The following DLGAP2 variants were observed in gnomAD, a reference collection of about 807,000 sequenced individuals.
DLGAP2 encodes the protein disks large-associated protein 2.
DLGAP2 carries 26 observed loss-of-function variants against 100.3 expected under a neutral mutation model. The observed-to-expected ratio is 0.26, with a 90% confidence interval of 0.19 to 0.36. The LOEUF (loss-of-function observed/expected upper bound fraction) is 0.36, where lower values mean the gene tolerates loss of function less well. Among genes scored for constraint, DLGAP2 ranks in the 10% least tolerant of loss-of-function variants. DLGAP2 has a pLI of 1.00. For synonymous variants in DLGAP2, 886 were observed against 630.1 expected (o/e 1.41, Z -6.08); for missense variants, 1,858 against 1,453.2 (o/e 1.28, Z -4.53).
rs71514196 is a variant in DLGAP2 at position 746,315 on chromosome 8, A to G, written c.18+8490A>G. On this transcript the variant is annotated intron_variant, in intron 1 of 14. Coordinates refer to ENST00000637795, the MANE Select transcript of DLGAP2 (RefSeq NM_001346810.2). ...GGGCACTGCTGGGCGAGTTACTCAT[A>G]TTAACTCATAGAATTCTCATGCCAG... 8.1e-3 allele frequency among the ~76,000 whole-genome samples: 1,233 copies of G among 152,322 alleles called. 4 individuals are homozygous for G. The highest frequency in any genetic ancestry group is 0.017 in the South Asian group (80 of 4,832).
intron 1 of DLGAP2, among the ~76,000 whole-genome samples, chr8:812,491 C>T (rs951640922): frequency 3.3e-5 from 5 of 152,154 alleles, no homozygotes. Flanking sequence ...GAAAGGGTGG[C>T]TGCGTTGAGC....
At position 793,677 on chromosome 8, in the gene DLGAP2, A is replaced by T. The variant is rs191725421; in HGVS notation, c.18+55852A>T. Among the ~76,000 whole-genome samples the T allele has an allele frequency of 3.2e-3, 485 of 152,288 alleles. 3 individuals carry two copies. The highest frequency in any genetic ancestry group is 5.7e-3 in the Non-Finnish European group (390 of 68,024). ...TTTGTCTAATCTTTGCATTTTGTGCAATTTCCTTATAGATTTCCCTGACGG... is the reference window on the plus strand; with the variant it reads ...TTTGTCTAATCTTTGCATTTTGTGCTATTTCCTTATAGATTTCCCTGACGG... On this transcript the variant is annotated intron_variant, in intron 1 of 14. Coordinates refer to ENST00000637795, the MANE Select transcript of DLGAP2 (RefSeq NM_001346810.2).
At chr8:1,234,963 TGTGTCTAGTTCTCTCACGCATAGCATC>T (rs900277222) in intron 2 of DLGAP2, among the ~76,000 whole-genome samples, 8 of 152,054 alleles carry the variant, frequency 5.3e-5, no homozygotes, top group Admixed American at 2.0e-4. Context: ...CACATGCCAC[TGTGTCTAGTTCTCTCACGCATAGCATC>T]GTGTCTAGTT....
Position 1,228,633 on chromosome 8 carries a change from C to T in DLGAP2, c.74-30218C>T, listed in dbSNP as rs143195737. Among the ~76,000 whole-genome samples, 711 of 152,278 alleles carry T rather than the reference C, an allele frequency of 4.7e-3. 5 individuals carry two copies. Among genetic ancestry groups the T allele is most frequent in the African/African-American group, 0.017 (686 of 41,552 alleles). On this transcript the variant is annotated intron_variant, in intron 2 of 14. Coordinates refer to ENST00000637795, the MANE Select transcript of DLGAP2 (RefSeq NM_001346810.2). ...TTCCAGGATTTCAAGTTTGTTTTGA[C>T]ATCTGCAAATCAATTAATGCAATGC...
chr8:1,329,260 A>G (rs1437017580), intron 3 of DLGAP2, among the ~76,000 whole-genome samples: 1 of 152,210 alleles, frequency 6.6e-6, no homozygotes, highest in Non-Finnish European at 1.5e-5. Context: ...AAATTGTTTC[A>G]TGGAATGAAG....
chr8:986,592 G>A (rs1462422239), intron 2 of DLGAP2, among the ~76,000 whole-genome samples: 2 of 151,726 alleles, frequency 1.3e-5, no homozygotes, highest in African/African-American at 4.8e-5. Flanking sequence ...GTGGAAGGAA[G>A]GACTGGAGGA....
At chr8:953,944 G>A (rs906681109) in intron 2 of DLGAP2, among the ~76,000 whole-genome samples, 1 of 152,224 alleles carries the variant, frequency 6.6e-6, no homozygotes, top group African/African-American at 2.4e-5. Context: ...TAAACTGCAA[G>A]TGTTTGCTGT....
At chr8:1,168,540 CTGT>C (rs1563227203) in intron 2 of DLGAP2, among the ~76,000 whole-genome samples, 1 of 147,030 alleles carries the variant, frequency 6.8e-6, no homozygotes, top group African/African-American at 2.5e-5. Context: ...TCTCCAGCAC[CTGT>C]TGTTTCCTGA....
chr8:1,548,474 A>G lies in DLGAP2; in HGVS notation c.173-152A>G, dbSNP rs563483621. 4.7e-3 allele frequency among the ~76,000 whole-genome samples: 700 copies of G among 149,918 alleles called. 7 individuals carry two copies. Among genetic ancestry groups the G allele is most frequent in the African/African-American group, 0.016 (666 of 40,896 alleles). ...ACTGTCTCAGAAAAAAAAAAAAAAAAAAAAAAAAAACCCACAAATCTGCCC... is the reference window on the plus strand; with the variant it reads ...ACTGTCTCAGAAAAAAAAAAAAAAAGAAAAAAAAAACCCACAAATCTGCCC... On this transcript the variant is annotated intron_variant, in intron 4 of 14. Transcript: ENST00000637795.
intron 6 of DLGAP2, among the ~76,000 whole-genome samples, chr8:1,586,425 C>G (rs1033849355): frequency 1.8e-4 from 28 of 152,206 alleles, no homozygotes; most frequent in Non-Finnish European, 8.8e-5. Flanking sequence ...CTGCAGACCC[C>G]TCCTGTCTCA....
At chr8:1,185,931 C>T (rs919034165) in intron 2 of DLGAP2, among the ~76,000 whole-genome samples, 3 of 152,166 alleles carry the variant, frequency 2.0e-5, no homozygotes, top group African/African-American at 7.2e-5. Flanking sequence ...GGACTTCTCG[C>T]CTCGGAGTTC....
intron 2 of DLGAP2, among the ~76,000 whole-genome samples, chr8:1,235,312 G>A (rs1449422967): frequency 6.6e-6 from 1 of 151,176 alleles, no homozygotes; most frequent in Non-Finnish European, 1.5e-5. Context: ...ATGGCATCGT[G>A]TCTAGTTCTC....
chr8:1,456,398 T>A (rs1798313355), intron 3 of DLGAP2, among the ~76,000 whole-genome samples: 1 of 152,170 alleles, frequency 6.6e-6, no homozygotes, highest in South Asian at 2.1e-4. Flanking sequence ...TATCTAAACA[T>A]CAAAGCATTT....
intron 3 of DLGAP2, among the ~76,000 whole-genome samples, chr8:1,385,841 C>G (rs1313340440): frequency 6.6e-6 from 1 of 152,154 alleles, no homozygotes; most frequent in East Asian, 1.9e-4. Context: ...CGGCCTATGC[C>G]TGTCCCCTGA....
intron 1 of DLGAP2, among the ~76,000 whole-genome samples, chr8:805,120 G>A: frequency 6.6e-6 from 1 of 152,118 alleles, no homozygotes. Flanking sequence ...ATTCGTAATG[G>A]GAATGATTTG....
chr8:1,223,205 A>T (rs1317387838), intron 2 of DLGAP2, among the ~76,000 whole-genome samples: 1 of 152,104 alleles, frequency 6.6e-6, no homozygotes, highest in Non-Finnish European at 1.5e-5. Flanking sequence ...GTGCCCAGCA[A>T]CCCTGTCCAG....
intron 1 of DLGAP2, among the ~76,000 whole-genome samples, chr8:752,365 G>A (rs1351876789): frequency 3.3e-5 from 5 of 152,322 alleles, no homozygotes; most frequent in Admixed American, 2.0e-4. Flanking sequence ...TAGTGTGCCC[G>A]GGCCGGTCTC....
At chr8:1,070,940 T>C (rs978398325) in intron 2 of DLGAP2, among the ~76,000 whole-genome samples, 1 of 152,202 alleles carries the variant, frequency 6.6e-6, no homozygotes, top group South Asian at 2.1e-4. Flanking sequence ...GGGAAGCCCC[T>C]GGAAGACTCA....
intron 2 of DLGAP2, among the ~76,000 whole-genome samples, chr8:1,073,717 A>G (rs1173852130): frequency 1.3e-5 from 2 of 152,236 alleles, no homozygotes; most frequent in Non-Finnish European, 2.9e-5. Flanking sequence ...AGTGCTTTCC[A>G]CAAACATTTC....
Sources: allele counts gnomAD v4.1 joint callset (sites outside exome capture counted in the v4.1 genomes callset), GRCh38; gene constraint gnomAD v4.1.1; transcripts MANE v1.5; gene names NCBI Gene and HGNC (gene_info 2026-07-23, HGNC 2026-07-21).